CSMD2: variants seen among roughly 807,000 people sequenced by gnomAD.
CSMD2 encodes CUB and Sushi multiple domains 2.
CSMD2 carries 130 observed loss-of-function variants against 398.5 expected under a neutral mutation model. That is an observed-to-expected ratio of 0.33 (90% confidence interval 0.28 to 0.38). CSMD2 has a LOEUF of 0.38. Ranked by LOEUF, CSMD2 falls within the 10% of genes least tolerant of loss-of-function variation. CSMD2 has a pLI of 1.00. For synonymous variants in CSMD2, 1,828 were observed against 1,908.5 expected (o/e 0.96, Z 1.10); for missense variants, 3,829 against 4,764.9 (o/e 0.80, Z 5.78).
Position 33,810,746 on chromosome 1 carries a change from G to C in CSMD2, c.1443C>G (p.Ser481=), listed in dbSNP as rs752177838. 1 of 1,612,962 alleles carries C rather than the reference G, an allele frequency of 6.2e-7. No homozygotes were observed. The change falls in exon 10 of 71, where the codon TCC becomes TCG. Residue 481 remains serine (S), a synonymous_variant. Coordinates refer to ENST00000373381, the MANE Select transcript of CSMD2 (RefSeq NM_001281956.2). ...CCCCGCTCCCCAAGAGGCTTACCTT[G>C]GAGGGGTTGAGTGCTGTGATGATCC... is the stretch of plus-strand genomic sequence containing the variant. ...CVWIITALNP[S]KVIKLAFEEF...
intron 2 of CSMD2, among the ~76,000 whole-genome samples, chr1:34,041,292 G>A (rs928587692): frequency 1.8e-4 from 28 of 152,134 alleles, no homozygotes; most frequent in African/African-American, 6.3e-4. Context: ...TGTCACTGAG[G>A]CCTTGAGCAC....
intron 32 of CSMD2, among the ~76,000 whole-genome samples, chr1:33,628,445 G>T (rs1642259556): frequency 6.6e-6 from 1 of 152,116 alleles, no homozygotes; most frequent in Non-Finnish European, 1.5e-5. Context: ...GAGGCGGGCG[G>T]ATCACCTGAG....
rs1570740937 is a variant in CSMD2, at chr1:33,992,122, G to C, written c.517+40472C>G. 2.0e-5 allele frequency among the ~76,000 whole-genome samples: 3 copies of C among 152,312 alleles called. No individual in the cohort carries two copies. In the East Asian group the frequency reaches 5.8e-4, roughly 29 times the overall value. ...GGGAATCAACCCAGGTGGTTAGTGG[G>C]AGTGTAAACAAGCTTTGGAGAAGAC... On this transcript the variant is annotated intron_variant, in intron 3 of 70. Coordinates refer to ENST00000373381, the MANE Select transcript of CSMD2 (RefSeq NM_001281956.2).
At chr1:33,647,985 A>C (rs939890060) in intron 28 of CSMD2, among the ~76,000 whole-genome samples, 1 of 152,200 alleles carries the variant, frequency 6.6e-6, no homozygotes, top group African/African-American at 2.4e-5. Context: ...CAGATTACAC[A>C]ATTTTGACTA....
At chr1:33,915,241 T>C (rs1377987713) in intron 5 of CSMD2, among the ~76,000 whole-genome samples, 1 of 152,220 alleles carries the variant, frequency 6.6e-6, no homozygotes, top group Non-Finnish European at 1.5e-5. Flanking sequence ...TCCTGAAATC[T>C]TAATGTATGC....
intron 44 of CSMD2, chr1:33,599,895 T>G (rs1364637485): frequency 2.3e-6 from 1 of 443,118 alleles, no homozygotes; most frequent in East Asian, 3.5e-5. Context: ...GCACGCATGA[T>G]GTAATAACAC....
rs532310199 is a variant in CSMD2 at position 34,001,055 on chromosome 1, G to A, written c.517+31539C>T. Among the ~76,000 whole-genome samples, 213 of 140,126 alleles carry A rather than the reference G, an allele frequency of 1.5e-3. 2 individuals carry two copies. The highest frequency in any genetic ancestry group is 3.8e-3 in the Middle Eastern group (1 of 260). The allele number at this position is 140,126 out of a possible 152,430, so 91.9% of individuals were successfully genotyped here. ...GGAGGGAGAGGAGGAGGAGGAAGAG[G>A]AGGGAGAGAAAAGAGGAGGAAAAGG... is the stretch of plus-strand genomic sequence containing the variant. On this transcript the variant is annotated intron_variant, in intron 3 of 70. Coordinates refer to ENST00000373381, the MANE Select transcript of CSMD2 (RefSeq NM_001281956.2).
At chr1:33,996,792 AAGAGGAAGGGGAGGGAGGG>A (rs1187177924) in intron 3 of CSMD2, among the ~76,000 whole-genome samples, 1 of 151,678 alleles carries the variant, frequency 6.6e-6, no homozygotes, top group Non-Finnish European at 1.5e-5. Context: ...GGGCGGGAGG[AAGAGGAAGGGGAGGGAGGG>A]AGAGGGGAAA....
chr1:33,987,357 C>T (rs576974532), intron 3 of CSMD2, among the ~76,000 whole-genome samples: 1 of 152,198 alleles, frequency 6.6e-6, no homozygotes, highest in African/African-American at 2.4e-5. Flanking sequence ...CCGCATAATA[C>T]CCCAGAAGGT....
chr1:34,049,894 T>C lies in CSMD2; in HGVS notation c.405-17188A>G, dbSNP rs181958445. 8.5e-5 allele frequency among the ~76,000 whole-genome samples: 13 copies of C among 152,260 alleles called. No homozygotes were observed. In the East Asian group the frequency reaches 2.1e-3, roughly 25 times the overall value. ...AGGTAGTTAGGATTAGATGAGGTCA[T>C]AAGGATGGGACTTCCAACATGAGAT... On this transcript the variant is annotated intron_variant, in intron 2 of 70. Transcript: ENST00000373381.
Position 33,519,683 on chromosome 1 carries a change from GATAAAAGAGGAAGTGCCCACGGCA to G in CSMD2, c.10737-30_10737-7del. 6.2e-7 allele frequency: 1 copy of G among 1,614,014 alleles called. No individual in the cohort carries two copies. The highest frequency in any genetic ancestry group is 8.5e-7 in the Non-Finnish European group (1 of 1,179,978). ...AAGGAACTTTGGGTCTTCTCCTGGC[GATAAAAGAGGAAGTGCCCACGGCA>G]TGAAAAGAGCGACACAGAGAGGCTT... On this transcript the variant is annotated splice_region_variant and splice_polypyrimidine_tract_variant and intron_variant, in intron 69 of 70. Transcript: ENST00000373381. The surrounding 1 kb of genome is among the most constrained non-coding windows in gnomAD (Gnocchi z 5.6).
chr1:34,147,130 C>T (rs1430411847), intron 1 of CSMD2, among the ~76,000 whole-genome samples: 8 of 151,952 alleles, frequency 5.3e-5, no homozygotes, highest in African/African-American at 7.2e-5. Context: ...TGGTGGCAGG[C>T]GCGTGTAGTC....
chr1:33,706,975 G>A (rs1645807916), intron 22 of CSMD2, among the ~76,000 whole-genome samples: 1 of 152,082 alleles, frequency 6.6e-6, no homozygotes, highest in Admixed American at 6.6e-5. Context: ...TAGGTTTTAT[G>A]CCCCATGTCC....
rs150745264 is a variant in CSMD2 at position 33,669,438 on chromosome 1, G to A, written c.4053-6346C>T. On this transcript the variant is annotated intron_variant, in intron 25 of 70. Transcript: ENST00000373381. ...GTCTATCTTTCTGAACCACTCCTCTGACCCAGTCTCTCCTCCTTCTCTACA... is the reference window on the plus strand; with the variant it reads ...GTCTATCTTTCTGAACCACTCCTCTAACCCAGTCTCTCCTCCTTCTCTACA... 2.7e-3 allele frequency among the ~76,000 whole-genome samples: 414 copies of A among 152,262 alleles called. 1 individual carries two copies. In the South Asian group the frequency reaches 0.028, roughly 10 times the overall value.
chr1:33,559,302 C>T lies in CSMD2; in HGVS notation c.8552G>A (p.Arg2851Lys), dbSNP rs1314032020. 2 of 1,534,946 alleles carry T rather than the reference C, an allele frequency of 1.3e-6. No homozygotes were observed. Among genetic ancestry groups the T allele is most frequent in the South Asian group, 2.4e-5 (2 of 84,012 alleles). The part of the protein sequence containing the change: ...GQWSDMLPTC[R>K]IINCTDPGHQ... ...TTGGGAGAGAAAGGGTGACTCACTTCTGCAGGTGGGCAGCATGTCACTCCA... is the reference window on the plus strand; with the variant it reads ...TTGGGAGAGAAAGGGTGACTCACTTTTGCAGGTGGGCAGCATGTCACTCCA... Residue 2851 changes from arginine to lysine, a missense_variant and splice_region_variant, in exon 54 of 71, where the codon AGA becomes AAA. By Grantham distance (26) the Arg-to-Lys change is conservative. Transcript: ENST00000373381. The surrounding 1 kb of genome is among the most constrained non-coding windows in gnomAD (Gnocchi z 4.0).
intron 39 of CSMD2, among the ~76,000 whole-genome samples, chr1:33,615,740 G>A (rs1641342568): frequency 6.6e-6 from 1 of 152,190 alleles, no homozygotes; most frequent in South Asian, 2.1e-4. Context: ...AGTCTCTAAT[G>A]GGGGAAAGTG....
intron 2 of CSMD2, among the ~76,000 whole-genome samples, chr1:34,069,386 A>G (rs554304857): frequency 2.6e-5 from 4 of 152,226 alleles, no homozygotes; most frequent in Non-Finnish European, 4.4e-5. Flanking sequence ...AGGAAGGGAA[A>G]GAGACAGAAA....
At chr1:34,024,570 T>A (rs1649377380) in intron 3 of CSMD2, among the ~76,000 whole-genome samples, 1 of 152,232 alleles carries the variant, frequency 6.6e-6, no homozygotes, top group Admixed American at 6.5e-5. Flanking sequence ...CACGTCTCTA[T>A]GTATTAATTT....
At chr1:33,736,123 T>C (rs1334164298) in intron 15 of CSMD2, among the ~76,000 whole-genome samples, 2 of 152,166 alleles carry the variant, frequency 1.3e-5, no homozygotes, top group African/African-American at 2.4e-5. Flanking sequence ...CAATAGACTG[T>C]CCCTTACTTC....
Sources: allele counts gnomAD v4.1 joint callset (sites outside exome capture counted in the v4.1 genomes callset), GRCh38; gene constraint gnomAD v4.1.1; non-coding constraint Gnocchi (gnomAD v3.1); transcripts MANE v1.5; gene names NCBI Gene and HGNC (gene_info 2026-07-23, HGNC 2026-07-21).